The following COL21A1 variants were observed in gnomAD, a reference collection of about 807,000 sequenced individuals.
The protein encoded by COL21A1 is collagen type XXI alpha 1 chain, also known as collagen alpha-1(XXI) chain.
Under a neutral mutation model 137.9 loss-of-function variants are expected in COL21A1, and 149 were observed. The ratio of observed to expected loss-of-function variants is 1.08; its 90% CI spans 0.95 to 1.24. The LOEUF (loss-of-function observed/expected upper bound fraction) is 1.24. Ranked by LOEUF, COL21A1 falls within the 50% of genes most tolerant of loss-of-function variation. COL21A1 has a pLI of 0.00. For missense variants in COL21A1, 1,167 were observed against 1,158.4 expected (o/e 1.01, Z -0.11); for synonymous variants, 456 against 391.5 (o/e 1.16, Z -1.95).
At chr6:56,074,775 A>T (rs1053358632) in intron 19 of COL21A1, among the ~76,000 whole-genome samples, 2 of 151,464 alleles carry the variant, frequency 1.3e-5, no homozygotes, top group African/African-American at 4.8e-5. Flanking sequence ...CATTCAAAAT[A>T]AAAAATGATA....
At chr6:56,185,532 T>C in intron 1 of COL21A1, among the ~76,000 whole-genome samples, 1 of 144,736 alleles carries the variant, frequency 6.9e-6, no homozygotes, top group East Asian at 2.1e-4. Context: ...GCTTCCCGGG[T>C]TCACGCCATT....
At chr6:56,268,710 T>C (rs1276087475) in intron 1 of COL21A1, among the ~76,000 whole-genome samples, 1 of 152,168 alleles carries the variant, frequency 6.6e-6, no homozygotes, top group Admixed American at 6.5e-5. Flanking sequence ...ATAAGAACTC[T>C]GGCCATTCAA....
At chr6:56,155,231 T>C (rs1775650038) in intron 10 of COL21A1, among the ~76,000 whole-genome samples, 1 of 152,250 alleles carries the variant, frequency 6.6e-6, no homozygotes. Context: ...AATCTTTCTC[T>C]AGAGAGGTTT....
At chr6:56,252,320 A>C (rs941407890), upstream of COL21A1, among the ~76,000 whole-genome samples, 2 of 152,154 alleles carry the variant, frequency 1.3e-5, no homozygotes, top group African/African-American at 4.8e-5. Flanking sequence ...TCTGCCTTCT[A>C]TCTTCCTTTG....
chr6:56,166,760 G>T, intron 7 of COL21A1, 146 bp downstream of exon 7: 2 of 720,606 alleles, frequency 2.8e-6, no homozygotes, highest in Non-Finnish European at 5.0e-6. Flanking sequence ...AATATGTTTT[G>T]CTTCATGTAA....
At chr6:56,119,796 A>G (rs1772293065) in intron 16 of COL21A1, among the ~76,000 whole-genome samples, 1 of 152,172 alleles carries the variant, frequency 6.6e-6, no homozygotes, top group Non-Finnish European at 1.5e-5. Context: ...TTCCGAGAAC[A>G]TACACTAGGG....
At chr6:56,338,457 G>T (rs951406850) in intron 1 of COL21A1, among the ~76,000 whole-genome samples, 1 of 152,058 alleles carries the variant, frequency 6.6e-6, no homozygotes, top group Non-Finnish European at 1.5e-5. Flanking sequence ...TCTGAGCCCT[G>T]CCCCCTCTCA....
At chr6:56,077,657 T>C (rs1767366667) in intron 17 of COL21A1, 84 bp from the exon 18 acceptor site, 1 of 748,916 alleles carries the variant, frequency 1.3e-6, no homozygotes, top group Non-Finnish European at 2.2e-6. Flanking sequence ...ATTGGAATTT[T>C]AACTGGTAAA....
Position 56,179,601 on chromosome 6 carries a change from A to C in COL21A1, c.617T>G (p.Val206Gly), listed in dbSNP as rs1424158922. 6.2e-7 allele frequency: 1 copy of C among 1,610,142 alleles called. No homozygotes were observed. The highest frequency in any genetic ancestry group is 1.3e-5 in the African/African-American group (1 of 74,800). Reference sequence around the variant, plus strand: ...ACCTTCACAAAGTTTCTGCTTCATCACTTCCCTTATTTTGGATATTGCAAT... The same window carrying C: ...ACCTTCACAAAGTTTCTGCTTCATCCCTTCCCTTATTTTGGATATTGCAAT... ...DYIAISKIRE[V>G]MKQKLCEESV... Residue 206 changes from valine to glycine, a missense_variant, in exon 3 of 30, where the codon GTG becomes GGG. Val to Gly is a moderately radical substitution (Grantham distance 109). Coordinates refer to ENST00000244728, the MANE Select transcript of COL21A1 (RefSeq NM_030820.4).
At chr6:56,134,231 C>A (rs761743969) in intron 12 of COL21A1, among the ~76,000 whole-genome samples, 7 of 152,224 alleles carry the variant, frequency 4.6e-5, no homozygotes, top group Non-Finnish European at 1.0e-4. Flanking sequence ...CTTGCATCAG[C>A]ATGACCTGGA....
intron 17 of COL21A1, among the ~76,000 whole-genome samples, chr6:56,090,219 C>G (rs963638810): frequency 1.1e-4 from 17 of 152,108 alleles, no homozygotes; most frequent in African/African-American, 4.1e-4. Context: ...AGCCTGGCAA[C>G]AGAGCAAGAC....
intron 16 of COL21A1, among the ~76,000 whole-genome samples, chr6:56,107,038 C>T (rs1375085726): frequency 2.6e-5 from 4 of 152,160 alleles, no homozygotes; most frequent in Admixed American, 2.0e-4. Context: ...CCACCCACCT[C>T]GGCCTCCGAA....
chr6:56,311,911 G>A (rs1184816344), intron 1 of COL21A1, among the ~76,000 whole-genome samples: 1 of 152,228 alleles, frequency 6.6e-6, no homozygotes, highest in Non-Finnish European at 1.5e-5. Flanking sequence ...TGGAGTGGGG[G>A]ATGCCTCAAC....
intron 1 of COL21A1, among the ~76,000 whole-genome samples, chr6:56,274,737 G>T (rs918278880): frequency 1.3e-5 from 2 of 152,016 alleles, no homozygotes; most frequent in Non-Finnish European, 2.9e-5. Flanking sequence ...CAAAAAAATG[G>T]AAAAATATTC....
At chr6:56,149,397 C>T (rs570965370) in intron 10 of COL21A1, among the ~76,000 whole-genome samples, 2 of 152,054 alleles carry the variant, frequency 1.3e-5, no homozygotes, top group African/African-American at 4.8e-5. Flanking sequence ...ACATTTACAC[C>T]ATATATAGCA....
chr6:56,252,793 C>A (rs568595865), intron 1 of COL21A1, among the ~76,000 whole-genome samples: 1 of 152,034 alleles, frequency 6.6e-6, no homozygotes, highest in Non-Finnish European at 1.5e-5. Context: ...ATGCTGTTAC[C>A]ATAAAAAGGA....
At chr6:56,292,120 G>A (rs1339767087) in intron 1 of COL21A1, among the ~76,000 whole-genome samples, 1 of 152,090 alleles carries the variant, frequency 6.6e-6, no homozygotes, top group Non-Finnish European at 1.5e-5. Flanking sequence ...AGTGAGCTGA[G>A]ATCACACTAC....
chr6:56,183,193 C>T (rs1778027251), intron 1 of COL21A1, among the ~76,000 whole-genome samples: 1 of 152,146 alleles, frequency 6.6e-6, no homozygotes, highest in South Asian at 2.1e-4. Context: ...AGTCCAAGAA[C>T]TTCATTTCTG....
chr6:56,064,009 A>C (rs1766026421), intron 24 of COL21A1, among the ~76,000 whole-genome samples: 1 of 152,124 alleles, frequency 6.6e-6, no homozygotes, highest in African/African-American at 2.4e-5. Flanking sequence ...ACTTACAGTC[A>C]CATGGCAATC....
Sources: gnomAD v4.1 joint callset for allele counts (sites outside exome capture counted in the v4.1 genomes callset) on GRCh38, gnomAD v4.1.1 for gene constraint, MANE v1.5 for transcripts, NCBI Gene and HGNC (gene_info 2026-07-23, HGNC 2026-07-21) for gene names.